Variants in USP8 observed in about 807,000 individuals in gnomAD.
USP8 encodes the protein ubiquitin carboxyl-terminal hydrolase 8.
Under a neutral mutation model 130.0 loss-of-function variants are expected in USP8, and 27 were observed. The observed-to-expected ratio is 0.21, with a 90% CI of 0.15 to 0.29. The LOEUF is 0.29. USP8 is among the 10% of genes least tolerant of loss of function. USP8 has a pLI of 1.00. For synonymous variants in USP8, 392 were observed against 444.1 expected (o/e 0.88, Z 1.48); for missense variants, 1,029 against 1,312.2 (o/e 0.78, Z 3.33).
intron 3 of USP8, among the ~76,000 whole-genome samples, chr15:50,446,161 GT>G (rs2050435352): frequency 6.6e-6 from 1 of 152,194 alleles, no homozygotes; most frequent in Non-Finnish European, 1.5e-5. Context: ...AATCAGGAAA[GT>G]TCTGGTAAAC....
chr15:50,429,302 G>A (rs922078827), intron 1 of USP8, among the ~76,000 whole-genome samples: 1 of 128,386 alleles, frequency 7.8e-6, no homozygotes, highest in Non-Finnish European at 1.6e-5. Flanking sequence ...CATCCTGGAG[G>A]TGTTTTTTTT....
intron 14 of USP8, among the ~76,000 whole-genome samples, chr15:50,491,773 C>T (rs571804438): frequency 6.6e-6 from 1 of 152,346 alleles, no homozygotes; most frequent in South Asian, 2.1e-4. Context: ...TGCCCCAGCA[C>T]TGTCCAGCAG....
At position 50,498,690 on chromosome 15, in the gene USP8, A is replaced by G; in HGVS notation, c.3133A>G (p.Lys1045Glu). The G allele has an allele frequency of 1.9e-6, 3 of 1,612,452 alleles. No homozygotes were observed. Among genetic ancestry groups the G allele is most frequent in the Non-Finnish European group, 2.5e-6 (3 of 1,178,880 alleles). Residue 1045 changes from lysine to glutamate, a missense_variant, in exon 19 of 20, where the codon AAG becomes GAG. This residue lies in a region of USP8 where 257 missense variants were observed against 429.8 expected (regional missense o/e 0.60). Transcript: ENST00000307179. ...LDLSQYVIGP[K>E]NNLKKYNLFS... is the part of the protein sequence containing the mutation. ...CTTGTCACAGTATGTTATTGGTCCAAAGAACAATTTGAAGAAATATAATTT... is the reference window on the plus strand; with the variant it reads ...CTTGTCACAGTATGTTATTGGTCCAGAGAACAATTTGAAGAAATATAATTT...
At chr15:50,478,857 C>A (rs992475610) in intron 10 of USP8, among the ~76,000 whole-genome samples, 2 of 152,068 alleles carry the variant, frequency 1.3e-5, no homozygotes, top group African/African-American at 4.8e-5. Flanking sequence ...GAGTTCCAGA[C>A]CAGCCTGGTC....
intron 16 of USP8, 142 bp from the exon 17 acceptor site, chr15:50,495,706 C>A: frequency 1.6e-6 from 1 of 607,244 alleles, no homozygotes; most frequent in Non-Finnish European, 2.8e-6. Context: ...TTATTTTTTG[C>A]CACACTCAGT....
rs2052669067 is a variant in USP8 at position 50,506,931 on chromosome 15, C to T, written c.*7843C>T. Reference sequence around the variant, plus strand: ...CGAGATCGTGCCACTGCATTCCAGCCTGGGCGACAGAGCGAGACTTCATCT... The same window carrying T: ...CGAGATCGTGCCACTGCATTCCAGCTTGGGCGACAGAGCGAGACTTCATCT... On this transcript the variant is annotated 3_prime_UTR_variant, in exon 20 of 20. Transcript: ENST00000307179. 1 of 129,630 alleles carries T rather than the reference C, an allele frequency of 7.7e-6. No homozygotes were observed. Among genetic ancestry groups the T allele is most frequent in the African/African-American group, 3.0e-5 (1 of 33,844 alleles). 8.0% of individuals were successfully genotyped at this position (129,630 alleles called of 1,614,324 possible).
rs1340341682 is a variant in USP8 at position 50,500,093 on chromosome 15, A to AAAAT, written c.*1008_*1011dup. 1.3e-5 allele frequency: 2 copies of AAAAT among 152,184 alleles called. No homozygotes were observed. Among genetic ancestry groups the AAAAT allele is most frequent in the Admixed American group, 6.5e-5 (1 of 15,268 alleles). 9.4% of individuals were successfully genotyped at this position (152,184 alleles called of 1,614,324 possible). Reference sequence around the variant, plus strand: ...TATAGTCAGTAAAACACTCCATATAAAAATAAGATTCTAAAAGTGCTTCAG... The same window carrying AAAAT: ...TATAGTCAGTAAAACACTCCATATAAAAATAAATAAGATTCTAAAAGTGCTTCAG... On this transcript the variant is annotated 3_prime_UTR_variant, in exon 20 of 20. Coordinates refer to ENST00000307179, the MANE Select transcript of USP8 (RefSeq NM_005154.5).
chr15:50,482,212 C>T, intron 11 of USP8, 147 bp downstream of exon 11: 1 of 670,642 alleles, frequency 1.5e-6, no homozygotes, highest in Non-Finnish European at 2.2e-6. Context: ...CACATTTGCT[C>T]ATCTATTCTC....
In USP8 at chr15:50,499,218, T is replaced by TA; in HGVS notation, c.*131dup. The TA allele has an allele frequency of 1.2e-6, 1 of 812,310 alleles. No homozygotes were observed. Among genetic ancestry groups the TA allele is most frequent in the Non-Finnish European group, 1.8e-6 (1 of 551,664 alleles). The allele number at this position is 812,310 out of a possible 1,614,324, so 50.3% of individuals were successfully genotyped here. A position where few individuals can be genotyped will look rare whatever the true frequency, so the allele number is the denominator to read the frequency against. ...TCTAGGACAGTGGGAGCTGTGTTAC[T>TA]AGCACTATATAATTCCGGTCAGTGC... On this transcript the variant is annotated 3_prime_UTR_variant, in exon 20 of 20. Coordinates refer to ENST00000307179, the MANE Select transcript of USP8 (RefSeq NM_005154.5).
At position 50,508,834 on chromosome 15, in the gene USP8, TAA is replaced by T. The variant is rs35117732; in HGVS notation, c.*9756_*9757del. 8 of 144,206 alleles carry T rather than the reference TAA, an allele frequency of 5.5e-5. No homozygotes were observed. The highest frequency in any genetic ancestry group is 6.9e-5 in the Admixed American group (1 of 14,486). The allele number at this position is 144,206 out of a possible 1,614,324, so 8.9% of individuals were successfully genotyped here. On this transcript the variant is annotated 3_prime_UTR_variant, in exon 20 of 20. Transcript: ENST00000307179. ...GCAACATGGCAAAACCCCGTCTCTA[TAA>T]AAAAAAAAAGAGTACAGGCCAGGCG...
chr15:50,438,934 A>ATT (rs35912128), intron 1 of USP8, 75 bp from the exon 2 acceptor site: 468 of 516,522 alleles, frequency 9.1e-4, no homozygotes, highest in Middle Eastern at 2.1e-3. Flanking sequence ...TGGTTTAGGA[A>ATT]TTTTTTTTTT....
chr15:50,498,999 G>A lies in USP8; in HGVS notation c.3268G>A (p.Asp1090Asn). 1 of 1,613,918 alleles carries A rather than the reference G, an allele frequency of 6.2e-7. No homozygotes were observed. Among genetic ancestry groups the A allele is most frequent in the Non-Finnish European group, 8.5e-7 (1 of 1,179,882 alleles). The change falls in exon 20 of 20, where the codon GAT becomes AAT. Residue 1090 changes from aspartate to asparagine, a missense_variant. Physicochemically the swap from Asp to Asn is conservative, Grantham distance 23. This residue lies in a region of USP8 where 257 missense variants were observed against 429.8 expected (regional missense o/e 0.60). Transcript: ENST00000307179. The stretch of plus-strand genomic sequence containing the variant: ...TAAGTTTGATGATCATGAAGTTTCT[G>A]ATATCTCCGTTTCTTCTGTGAAATC... ...WFKFDDHEVS[D>N]ISVSSVKSSA...
chr15:50,466,321 G>A (rs147842720), intron 7 of USP8, among the ~76,000 whole-genome samples: 27 of 152,210 alleles, frequency 1.8e-4, no homozygotes, highest in African/African-American at 6.0e-4. Flanking sequence ...CTCTTAGGCC[G>A]GGCACACTGG....
intron 2 of USP8, among the ~76,000 whole-genome samples, chr15:50,439,778 G>A (rs1349061202): frequency 5.0e-5 from 7 of 140,400 alleles, no homozygotes; most frequent in Admixed American, 1.5e-4. Context: ...CAATAAGAGC[G>A]AAACTCTGTC....
chr15:50,445,211 T>C (rs1361572848), intron 3 of USP8, among the ~76,000 whole-genome samples: 1 of 152,070 alleles, frequency 6.6e-6, no homozygotes, highest in Non-Finnish European at 1.5e-5. Context: ...TTGAACTTCC[T>C]TAGAAACTTG....
chr15:50,492,615 C>A, intron 14 of USP8, 86 bp from the exon 15 acceptor site: 1 of 1,347,494 alleles, frequency 7.4e-7, no homozygotes, highest in Non-Finnish European at 1.0e-6. Context: ...GGTACAGGTG[C>A]TACAGTTTGC....
intron 15 of USP8, 170 bp downstream of exon 15, chr15:50,493,083 C>G (rs781719602): frequency 4.0e-6 from 3 of 754,108 alleles, no homozygotes; most frequent in Non-Finnish European, 6.8e-6. Context: ...AGGCCATCGT[C>G]TAGGTGCCGG....
At position 50,477,458 on chromosome 15, in the gene USP8, C is replaced by T; in HGVS notation, c.1177C>T (p.Pro393Ser). Residue 393 changes from proline (P) to serine (S), a missense_variant, in exon 10 of 20, where the codon CCC (proline) becomes TCC (serine). Around this residue, in one of 4 missense-constraint regions of USP8, gnomAD observed 486 missense variants for 522.0 expected, o/e 0.93. Transcript: ENST00000307179. ...TGCTGCTTCTAAATCTGATGTTTCA[C>T]CCATAATTCAGCCAGTGCCTAGTAT... The part of the protein sequence containing the change: ...PVAASKSDVS[P>S]IIQPVPSIKN... The T allele has an allele frequency of 6.2e-7, 1 of 1,614,102 alleles. No individual in the cohort carries two copies.
chr15:50,437,790 T>C (rs2050133202), intron 1 of USP8, among the ~76,000 whole-genome samples: 1 of 152,244 alleles, frequency 6.6e-6, no homozygotes, highest in Non-Finnish European at 1.5e-5. Context: ...GTTGATCCAT[T>C]TGGGAGTGAT....
Sources: allele counts gnomAD v4.1 joint callset (sites outside exome capture counted in the v4.1 genomes callset), GRCh38; gene constraint gnomAD v4.1.1; regional missense constraint gnomAD v4.1.1; transcripts MANE v1.5; gene names NCBI Gene and HGNC (gene_info 2026-07-23, HGNC 2026-07-21).